The following EPC2 variants were observed in gnomAD, a reference collection of about 807,000 sequenced individuals.
EPC2 encodes the protein enhancer of polycomb homolog 2.
Under a neutral mutation model 92.1 loss-of-function variants are expected in EPC2, and 14 were observed. The observed-to-expected ratio is 0.15, with a 90% CI of 0.10 to 0.24. The LOEUF is 0.24. EPC2 is among the 10% of genes least tolerant of loss of function. The pLI is 1.00. For synonymous variants in EPC2, 340 were observed against 334.7 expected, an observed-to-expected ratio of 1.02 and a Z score of -0.17; for missense variants, 755 against 971.5, an observed-to-expected ratio of 0.78 and a Z score of 2.96.
At chr2:148,692,204 A>G (rs1321625381) in intron 2 of EPC2, 1 of 178,616 alleles carries the variant, frequency 5.6e-6, no homozygotes, top group African/African-American at 2.4e-5. Context: ...CTCATTAAAG[A>G]CTTAACTCCC....
intron 1 of EPC2, among the ~76,000 whole-genome samples, chr2:148,670,704 C>G (rs995137515): frequency 1.3e-5 from 2 of 152,106 alleles, no homozygotes; most frequent in African/African-American, 4.8e-5. Flanking sequence ...TGTCTATTCT[C>G]TCTCCTCTTC....
At chr2:148,769,638 G>C (rs1209479465) in intron 8 of EPC2, among the ~76,000 whole-genome samples, 1 of 152,096 alleles carries the variant, frequency 6.6e-6, no homozygotes, top group Admixed American at 6.5e-5. Context: ...ATACATACCA[G>C]TAAGTATCAA....
chr2:148,772,984 C>T lies in EPC2; in HGVS notation c.1720+1597C>T, dbSNP rs183794496. On this transcript the variant is annotated intron_variant, in intron 10 of 13. Coordinates refer to ENST00000258484, the MANE Select transcript of EPC2 (RefSeq NM_015630.4). ...TTTGACCATAGGCTGATTGTCTTCTCTGCTGATGTATACCACATTAAAAAA... is the reference window on the plus strand; with the variant it reads ...TTTGACCATAGGCTGATTGTCTTCTTTGCTGATGTATACCACATTAAAAAA... Among the ~76,000 whole-genome samples the T allele has an allele frequency of 1.1e-3, 163 of 152,230 alleles. 1 individual carries two copies. The highest frequency in any genetic ancestry group is 3.7e-3 in the African/African-American group (155 of 41,546).
intron 3 of EPC2, among the ~76,000 whole-genome samples, chr2:148,751,726 GTGACTGATTTATC>G (rs1299846690): frequency 6.6e-6 from 1 of 152,050 alleles, no homozygotes. Context: ...TTAATAATGT[GTGACTGATTTATC>G]TACAAGTAGT....
chr2:148,773,185 AT>A (rs2105433210), intron 10 of EPC2, among the ~76,000 whole-genome samples: 1 of 152,240 alleles, frequency 6.6e-6, no homozygotes, highest in South Asian at 2.1e-4. Flanking sequence ...ATAACTTAAT[AT>A]GACTTAAATA....
intron 2 of EPC2, among the ~76,000 whole-genome samples, chr2:148,718,976 A>G (rs1682311899): frequency 6.6e-6 from 1 of 151,926 alleles, no homozygotes; most frequent in South Asian, 2.1e-4. Context: ...GCTTGTCTTA[A>G]TTCAGAAAGC....
intron 7 of EPC2, among the ~76,000 whole-genome samples, chr2:148,766,794 A>G (rs1683419086): frequency 6.6e-6 from 1 of 152,204 alleles, no homozygotes; most frequent in Non-Finnish European, 1.5e-5. Context: ...TAAGTAAGAA[A>G]ATGACATAGT....
intron 2 of EPC2, among the ~76,000 whole-genome samples, chr2:148,696,149 A>G (rs1242318937): frequency 6.6e-6 from 1 of 152,230 alleles, no homozygotes; most frequent in Non-Finnish European, 1.5e-5. Context: ...AACCTAGAAG[A>G]TAATAGATAT....
chr2:148,657,884 T>TTG (rs35739873), intron 1 of EPC2, among the ~76,000 whole-genome samples: 25,539 of 149,622 alleles, frequency 0.17, 2,210 homozygotes, highest in South Asian at 0.2. Context: ...ATCACTCATT[T>TTG]TGTGTGTGTG....
chr2:148,697,853 C>T (rs1410712746), intron 2 of EPC2, among the ~76,000 whole-genome samples: 1 of 152,166 alleles, frequency 6.6e-6, no homozygotes, highest in Non-Finnish European at 1.5e-5. Context: ...CAAGTCCAAC[C>T]TATCTTTGAA....
chr2:148,709,029 C>T, intron 2 of EPC2, among the ~76,000 whole-genome samples: 1 of 152,068 alleles, frequency 6.6e-6, no homozygotes, highest in East Asian at 1.9e-4. Flanking sequence ...AAAGGGTATC[C>T]AATTAGGAAA....
chr2:148,655,624 TAGA>T (rs1232494009), intron 1 of EPC2, among the ~76,000 whole-genome samples: 1 of 152,202 alleles, frequency 6.6e-6, no homozygotes, highest in East Asian at 1.9e-4. Context: ...TTAAATTTGT[TAGA>T]AGTTTATGTT....
rs1266823291 is a variant in EPC2 at position 148,657,107 on chromosome 2, T to C, written c.153+11937T>C. ...TGGGATCTAGTGTAGAGTCACCTTTTAGGACGGGCAAAATTGTATTATAAA... is the reference window on the plus strand; with the variant it reads ...TGGGATCTAGTGTAGAGTCACCTTTCAGGACGGGCAAAATTGTATTATAAA... On this transcript the variant is annotated intron_variant, in intron 1 of 13. Transcript: ENST00000258484. Among the ~76,000 whole-genome samples, 5 of 152,078 alleles carry C rather than the reference T, an allele frequency of 3.3e-5. No homozygotes were observed. The East Asian group carries it at 9.6e-4, about 29-fold the overall frequency.
chr2:148,664,865 A>G (rs1574568638), intron 1 of EPC2, among the ~76,000 whole-genome samples: 1 of 152,196 alleles, frequency 6.6e-6, no homozygotes, highest in East Asian at 1.9e-4. Context: ...TTGTGGCTGT[A>G]TCACAATTTG....
At chr2:148,655,675 T>C (rs1054756875) in intron 1 of EPC2, among the ~76,000 whole-genome samples, 2 of 152,168 alleles carry the variant, frequency 1.3e-5, no homozygotes, top group African/African-American at 2.4e-5. Flanking sequence ...GTTCTTTCTA[T>C]GGATGTTTTG....
intron 1 of EPC2, among the ~76,000 whole-genome samples, chr2:148,671,616 CA>C (rs1009969219): frequency 1.3e-5 from 2 of 151,724 alleles, no homozygotes; most frequent in African/African-American, 2.4e-5. Context: ...CCCATCCCCC[CA>C]AAAAAAGTCA....
chr2:148,667,888 T>G (rs372392465), intron 1 of EPC2, among the ~76,000 whole-genome samples: 3 of 152,050 alleles, frequency 2.0e-5, no homozygotes, highest in Admixed American at 6.6e-5. Context: ...TCATACAGTT[T>G]TTGTTGTTGT....
intron 11 of EPC2, 141 bp downstream of exon 11, chr2:148,781,921 A>C (rs540632260): frequency 2.2e-6 from 2 of 913,444 alleles, no homozygotes; most frequent in African/African-American, 3.4e-5. Context: ...CTTTTCAGTT[A>C]ATGTACGTAA....
chr2:148,677,760 T>G (rs1223175110), intron 1 of EPC2, among the ~76,000 whole-genome samples: 1 of 151,716 alleles, frequency 6.6e-6, no homozygotes, highest in African/African-American at 2.4e-5. Context: ...GGCTCAGGAG[T>G]GAAGCTGCAG....
Sources: gnomAD v4.1 joint callset for allele counts (sites outside exome capture counted in the v4.1 genomes callset) on GRCh38, gnomAD v4.1.1 for gene constraint, MANE v1.5 for transcripts, NCBI Gene and HGNC (gene_info 2026-07-23, HGNC 2026-07-21) for gene names.